The following SCLT1 variants were observed in gnomAD, a reference collection of about 807,000 sequenced individuals.
SCLT1 encodes sodium channel-associated protein 1.
A neutral mutation model predicts 112.8 loss-of-function variants in SCLT1; 78 were observed. The ratio of observed to expected loss-of-function variants is 0.69; its 90% CI spans 0.58 to 0.83. The LOEUF is 0.83. Among genes scored for constraint, SCLT1 ranks in the 40% least tolerant of loss-of-function variants. The pLI is 0.00. For missense variants in SCLT1, 747 were observed against 770.4 expected (o/e 0.97, Z 0.36); for synonymous variants, 257 against 254.7 (o/e 1.01, Z -0.09).
chr4:128,996,424 T>C (rs1431690145), intron 8 of SCLT1, among the ~76,000 whole-genome samples: 2 of 152,140 alleles, frequency 1.3e-5, no homozygotes, highest in South Asian at 4.1e-4. Flanking sequence ...AATGAGTTTA[T>C]TCGTGTAATC....
intron 6 of SCLT1, among the ~76,000 whole-genome samples, chr4:129,002,881 C>T (rs560476850): frequency 6.6e-6 from 1 of 152,246 alleles, no homozygotes; most frequent in African/African-American, 2.4e-5. Context: ...AGTGGCAATT[C>T]TTCAGGGATC....
chr4:128,935,128 T>C (rs1002608837), intron 18 of SCLT1, among the ~76,000 whole-genome samples: 1 of 152,052 alleles, frequency 6.6e-6, no homozygotes, highest in South Asian at 2.1e-4. Context: ...TTTCTAATGT[T>C]ATACCAACTT....
At chr4:128,951,983 A>G (rs1255159223) in intron 14 of SCLT1, among the ~76,000 whole-genome samples, 2 of 152,158 alleles carry the variant, frequency 1.3e-5, no homozygotes, top group Non-Finnish European at 2.9e-5. Context: ...AACATTTAAA[A>G]ATATACTCTG....
At chr4:128,978,551 A>G (rs889416332) in intron 9 of SCLT1, among the ~76,000 whole-genome samples, 1 of 152,116 alleles carries the variant, frequency 6.6e-6, no homozygotes, top group Non-Finnish European at 1.5e-5. Flanking sequence ...TCATCAGTTA[A>G]GGAAAATCAA....
At chr4:128,900,672 C>G (rs935536819) in intron 18 of SCLT1, among the ~76,000 whole-genome samples, 36 of 152,286 alleles carry the variant, frequency 2.4e-4, no homozygotes, top group Non-Finnish European at 5.0e-4. Flanking sequence ...CCAAAATTGA[C>G]AAATGGGATC....
intron 5 of SCLT1, among the ~76,000 whole-genome samples, chr4:129,031,113 C>T (rs957710487): frequency 1.6e-4 from 24 of 152,174 alleles, no homozygotes; most frequent in East Asian, 5.8e-4. Flanking sequence ...GCTTATCCAC[C>T]AAGATCAAGT....
chr4:129,055,657 C>T (rs1053222326), intron 2 of SCLT1, among the ~76,000 whole-genome samples: 1 of 152,080 alleles, frequency 6.6e-6, no homozygotes, highest in Admixed American at 6.5e-5. Context: ...GGACTTCAGA[C>T]TTCTGTGTTG....
chr4:129,086,311 A>AGG (rs1752391554), intron 1 of SCLT1, among the ~76,000 whole-genome samples: 1 of 16,148 alleles, frequency 6.2e-5, no homozygotes, highest in African/African-American at 1.3e-4. Flanking sequence ...TGGTGTATGT[A>AGG]TGTATATATA....
chr4:128,995,218 G>T lies in SCLT1; in HGVS notation c.615+2656C>A, dbSNP rs539095070. 3.3e-5 allele frequency among the ~76,000 whole-genome samples: 5 copies of T among 152,188 alleles called. No homozygotes were observed. The South Asian group carries it at 8.3e-4, about 25-fold the overall frequency. On this transcript the variant is annotated intron_variant, in intron 8 of 20. Coordinates refer to ENST00000281142, the MANE Select transcript of SCLT1 (RefSeq NM_144643.4). Reference sequence around the variant, plus strand: ...TATTTGTGTGTTGTGTAAGATAAGAGTCCAAAATCATGTTTTGAATACGAA... The same window carrying T: ...TATTTGTGTGTTGTGTAAGATAAGATTCCAAAATCATGTTTTGAATACGAA...
At chr4:129,029,241 G>A (rs896356846) in intron 5 of SCLT1, among the ~76,000 whole-genome samples, 10 of 151,826 alleles carry the variant, frequency 6.6e-5, no homozygotes, top group Admixed American at 3.9e-4. Flanking sequence ...TGTTTATTGC[G>A]GCACTATTCA....
intron 2 of SCLT1, among the ~76,000 whole-genome samples, chr4:129,070,395 T>A (rs931979974): frequency 2.6e-5 from 4 of 152,150 alleles, no homozygotes; most frequent in African/African-American, 9.7e-5. Context: ...CTGGACTTTT[T>A]TTTTTGTTGG....
At chr4:129,028,464 G>A (rs1316197041) in intron 5 of SCLT1, among the ~76,000 whole-genome samples, 2 of 152,132 alleles carry the variant, frequency 1.3e-5, no homozygotes, top group African/African-American at 4.8e-5. Flanking sequence ...TGGGAAAACT[G>A]GCTAGCCGTA....
intron 18 of SCLT1, among the ~76,000 whole-genome samples, chr4:128,902,657 T>G (rs1461074614): frequency 6.6e-6 from 1 of 152,182 alleles, no homozygotes; most frequent in African/African-American, 2.4e-5. Flanking sequence ...CCTAGGACAT[T>G]ACTTTACACT....
intron 20 of SCLT1, among the ~76,000 whole-genome samples, chr4:128,888,367 C>T (rs1390943300): frequency 6.6e-6 from 1 of 151,898 alleles, no homozygotes; most frequent in East Asian, 1.9e-4. Context: ...GAGATATGCG[C>T]CACTATATTT....
chr4:128,892,752 C>T (rs143081499), intron 18 of SCLT1, among the ~76,000 whole-genome samples: 108 of 152,214 alleles, frequency 7.1e-4, no homozygotes, highest in African/African-American at 2.3e-3. Flanking sequence ...TGACAGACTA[C>T]GAGGGAGATC....
intron 2 of SCLT1, 123 bp from the exon 3 acceptor site, chr4:129,044,174 A>G: frequency 1.9e-6 from 1 of 522,244 alleles, no homozygotes; most frequent in Non-Finnish European, 3.4e-6. Context: ...GTAATTCAAA[A>G]TGAGAGAAAA....
chr4:129,010,064 G>A (rs1744384292), intron 5 of SCLT1, among the ~76,000 whole-genome samples: 1 of 152,122 alleles, frequency 6.6e-6, no homozygotes, highest in Admixed American at 6.6e-5. Context: ...GTCTTCCAGG[G>A]TTTTTATACT....
intron 8 of SCLT1, among the ~76,000 whole-genome samples, chr4:128,994,386 A>T (rs1742830498): frequency 6.6e-6 from 1 of 152,116 alleles, no homozygotes; most frequent in Non-Finnish European, 1.5e-5. Flanking sequence ...ATTCCACTGT[A>T]TGTTTATACA....
In SCLT1 at chr4:128,884,184, A is replaced by G. The variant is rs571050345; in HGVS notation, c.*293T>C. ...AAATTTGCATAGTTTGAAAATTATT[A>G]TGTCCTTTCAAGGGAAAAAGGAGGA... is the stretch of plus-strand genomic sequence containing the variant. On this transcript the variant is annotated 3_prime_UTR_variant, in exon 21 of 21. Transcript: ENST00000281142. 4.0e-6 allele frequency: 1 copy of G among 251,966 alleles called. No individual in the cohort carries two copies. Among genetic ancestry groups the G allele is most frequent in the South Asian group, 1.7e-4 (1 of 5,788 alleles). 15.6% of individuals were successfully genotyped at this position (251,966 alleles called of 1,614,324 possible).
Sources: gnomAD v4.1 joint callset for allele counts (sites outside exome capture counted in the v4.1 genomes callset) on GRCh38, gnomAD v4.1.1 for gene constraint, MANE v1.5 for transcripts, NCBI Gene and HGNC (gene_info 2026-07-23, HGNC 2026-07-21) for gene names.